Variants in PREX2 observed in about 807,000 individuals in gnomAD.
PREX2 encodes phosphatidylinositol 3,4,5-trisphosphate-dependent Rac exchanger 2 protein.
In PREX2, 107 loss-of-function variants were observed where a neutral mutation model predicts 203.2. The ratio of observed to expected loss-of-function variants is 0.53; its 90% CI spans 0.45 to 0.62. PREX2 has a LOEUF of 0.62. Ranked by LOEUF, PREX2 falls within the 20% of genes least tolerant of loss-of-function variation. PREX2 has a pLI of 0.00. For missense variants in PREX2, 1,777 were observed against 1,955.9 expected (o/e 0.91, Z 1.72); for synonymous variants, 672 against 663.6 (o/e 1.01, Z -0.19).
At chr8:67,987,933 G>A (rs1187412893) in intron 1 of PREX2, among the ~76,000 whole-genome samples, 1 of 152,080 alleles carries the variant, frequency 6.6e-6, no homozygotes, top group African/African-American at 2.4e-5. Flanking sequence ...GTGTGTGTGT[G>A]TGTGAACACA....
In PREX2 at chr8:68,108,125, A is replaced by C; in HGVS notation, c.2732A>C (p.Lys911Thr). The change falls in exon 24 of 40, where the codon AAG (lysine) becomes ACG (threonine). Residue 911 changes from lysine to threonine, a missense_variant. Physicochemically the swap from Lys to Thr is moderately conservative, Grantham distance 78 (BLOSUM62 -1). Transcript: ENST00000288368. ...SSYKKFSRVL[K>T]NRAWPTFKQA... Reference sequence around the variant, plus strand: ...AATTTGCAGTTTTCTCGTGTACTGAAGAATAGGGCCTGGCCTACTTTTAAA... The same window carrying C: ...AATTTGCAGTTTTCTCGTGTACTGACGAATAGGGCCTGGCCTACTTTTAAA... 6.2e-7 allele frequency: 1 copy of C among 1,612,960 alleles called. No individual in the cohort carries two copies. The highest frequency in any genetic ancestry group is 8.5e-7 in the Non-Finnish European group (1 of 1,179,494).
chr8:68,067,177 T>C (rs561054054), intron 11 of PREX2, among the ~76,000 whole-genome samples: 16 of 152,264 alleles, frequency 1.1e-4, no homozygotes, highest in Middle Eastern at 3.4e-3. Flanking sequence ...TTGTTCCTTT[T>C]GTTCAAGGTT....
At chr8:68,226,459 T>C (rs1236012969) in intron 39 of PREX2, among the ~76,000 whole-genome samples, 1 of 152,136 alleles carries the variant, frequency 6.6e-6, no homozygotes, top group Non-Finnish European at 1.5e-5. Context: ...AAGAACACAT[T>C]TGGCAGTCAA....
At chr8:67,963,492 A>T (rs961547212) in intron 1 of PREX2, among the ~76,000 whole-genome samples, 2 of 152,188 alleles carry the variant, frequency 1.3e-5, no homozygotes, top group African/African-American at 4.8e-5. Flanking sequence ...GCAAATCATT[A>T]ATGAATTGGC....
chr8:68,141,455 A>G lies in PREX2; in HGVS notation c.4087+2938A>G, dbSNP rs1480418306. Among the ~76,000 whole-genome samples, 8 of 152,224 alleles carry G rather than the reference A, an allele frequency of 5.3e-5. No individual in the cohort carries two copies. In the East Asian group the frequency reaches 9.6e-4, roughly 18 times the overall value. On this transcript the variant is annotated intron_variant, in intron 33 of 39. Transcript: ENST00000288368. ...GTTGGGAATAAGGAATTAGGAATCAATAATGAATGAGGAATGAATAATCAA... is the reference window on the plus strand; with the variant it reads ...GTTGGGAATAAGGAATTAGGAATCAGTAATGAATGAGGAATGAATAATCAA...
At chr8:68,055,759 A>G (rs185086431) in intron 9 of PREX2, 71 bp from the exon 10 acceptor site, 48 of 1,411,554 alleles carry the variant, frequency 3.4e-5, no homozygotes, top group Admixed American at 2.9e-4. Context: ...ATGCTTGCTT[A>G]ATGAAGCCAT....
At chr8:68,021,544 C>T (rs185766423) in intron 3 of PREX2, among the ~76,000 whole-genome samples, 2 of 152,270 alleles carry the variant, frequency 1.3e-5, no homozygotes, top group Admixed American at 6.5e-5. Context: ...CTGTGTTTCT[C>T]TATTTCTATA....
chr8:68,171,733 G>A (rs1260801132), intron 35 of PREX2, among the ~76,000 whole-genome samples: 1 of 152,010 alleles, frequency 6.6e-6, no homozygotes, highest in Non-Finnish European at 1.5e-5. Context: ...AGAAATAGAA[G>A]ATTTTGTGTT....
chr8:67,967,898 A>G (rs930977087), intron 1 of PREX2, among the ~76,000 whole-genome samples: 9 of 152,066 alleles, frequency 5.9e-5, no homozygotes, highest in African/African-American at 1.9e-4. Flanking sequence ...ACTTGGACAC[A>G]GGGTGGGGAA....
rs1467846122 is a variant in PREX2, at chr8:68,216,235, AG to A, written c.4605-1380del. On this transcript the variant is annotated intron_variant, in intron 37 of 39. Coordinates refer to ENST00000288368, the MANE Select transcript of PREX2 (RefSeq NM_024870.4). The stretch of plus-strand genomic sequence containing the variant: ...ACCAAATGCATTGGACTTCTGTGTT[AG>A]AGCCTCATAACCAAGAACTTCTGTG... Among the ~76,000 whole-genome samples the A allele has an allele frequency of 2.6e-5, 4 of 152,232 alleles. No individual in the cohort carries two copies. In the East Asian group the frequency reaches 5.8e-4, roughly 22 times the overall value.
At chr8:67,991,531 T>G (rs1159132288) in intron 1 of PREX2, among the ~76,000 whole-genome samples, 1 of 152,116 alleles carries the variant, frequency 6.6e-6, no homozygotes, top group Non-Finnish European at 1.5e-5. Flanking sequence ...GAAGGAGAAG[T>G]GCCCAGCGAA....
intron 1 of PREX2, 39 bp from the exon 2 acceptor site, chr8:68,017,807 C>G: frequency 6.5e-7 from 1 of 1,536,882 alleles, no homozygotes; most frequent in Non-Finnish European, 9.0e-7. Context: ...ATTTTATTAA[C>G]CTAATGTTAC....
chr8:68,140,942 T>C (rs1330162346), intron 33 of PREX2, among the ~76,000 whole-genome samples: 1 of 152,156 alleles, frequency 6.6e-6, no homozygotes, highest in Non-Finnish European at 1.5e-5. Context: ...AGAAGTCAAA[T>C]ATCTTGATTA....
intron 1 of PREX2, 125 bp downstream of exon 1, chr8:67,952,660 G>A (rs1297394788): frequency 7.4e-7 from 1 of 1,356,648 alleles, no homozygotes; most frequent in Non-Finnish European, 1.0e-6. Context: ...GGCATCACAG[G>A]CGCGGGAATC....
chr8:68,004,244 C>G (rs1807028746), intron 1 of PREX2, among the ~76,000 whole-genome samples: 1 of 152,136 alleles, frequency 6.6e-6, no homozygotes. Context: ...CAAAATGAAG[C>G]TAAGATTACT....
At chr8:68,228,897 G>T (rs1441944449) in intron 39 of PREX2, among the ~76,000 whole-genome samples, 1 of 138,032 alleles carries the variant, frequency 7.2e-6, no homozygotes, top group African/African-American at 2.7e-5. Flanking sequence ...AGCTATGGTT[G>T]TACCACTGCA....
intron 30 of PREX2, among the ~76,000 whole-genome samples, chr8:68,126,072 C>G (rs766067116): frequency 2.0e-5 from 3 of 152,100 alleles, no homozygotes; most frequent in Admixed American, 6.6e-5. Context: ...ATATCCCAAT[C>G]TCAGTCTCTT....
At chr8:68,191,823 T>C in intron 36 of PREX2, 35 bp downstream of exon 36, 1 of 1,323,646 alleles carries the variant, frequency 7.6e-7, no homozygotes. Context: ...TGGTGCTTTT[T>C]AATTTAAATA....
chr8:67,960,062 T>TTA (rs1805592742), intron 1 of PREX2, among the ~76,000 whole-genome samples: 1 of 135,512 alleles, frequency 7.4e-6, no homozygotes, highest in African/African-American at 2.6e-5. Flanking sequence ...TTAATTAATT[T>TTA]ATTGATCTCA....
Sources: allele counts gnomAD v4.1 joint callset (sites outside exome capture counted in the v4.1 genomes callset), GRCh38; gene constraint gnomAD v4.1.1; transcripts MANE v1.5; gene names NCBI Gene and HGNC (gene_info 2026-07-23, HGNC 2026-07-21).